RNF216: variants seen among roughly 807,000 people sequenced by gnomAD.
The protein encoded by RNF216 is ring finger protein 216.
A neutral mutation model predicts 110.8 loss-of-function variants in RNF216; 72 were observed. The ratio of observed to expected loss-of-function variants is 0.65; its 90% CI spans 0.54 to 0.79. RNF216 has a LOEUF of 0.79. RNF216 is among the 30% of genes least tolerant of loss of function. RNF216 has a pLI of 0.00. For synonymous variants in RNF216, 495 were observed against 407.5 expected (o/e 1.21, Z -2.59); for missense variants, 1,342 against 1,141.2 (o/e 1.18, Z -2.54).
At chr7:5,778,203 TC>T (rs1022304996) in intron 1 of RNF216, among the ~76,000 whole-genome samples, 5 of 152,080 alleles carry the variant, frequency 3.3e-5, no homozygotes, top group African/African-American at 1.2e-4. Flanking sequence ...TCATACCTTT[TC>T]CCCCCGCATT....
intron 1 of RNF216, among the ~76,000 whole-genome samples, chr7:5,779,302 C>G (rs1378111467): frequency 6.6e-6 from 1 of 152,110 alleles, no homozygotes; most frequent in East Asian, 1.9e-4. Context: ...TTAGCTGCTG[C>G]TGCTCTAATC....
chr7:5,671,476 G>A (rs759603641), intron 13 of RNF216, among the ~76,000 whole-genome samples: 15 of 152,126 alleles, frequency 9.9e-5, no homozygotes, highest in Non-Finnish European at 1.9e-4. Context: ...GAGGCTGATG[G>A]GGTGAGCGCT....
chr7:5,722,747 C>A (rs543270024), intron 8 of RNF216, among the ~76,000 whole-genome samples: 2 of 151,802 alleles, frequency 1.3e-5, no homozygotes, highest in East Asian at 2.0e-4. Context: ...TGGGGCCAGG[C>A]GCAGTGACTC....
chr7:5,773,254 T>C (rs1416021828), intron 1 of RNF216, among the ~76,000 whole-genome samples: 1 of 152,038 alleles, frequency 6.6e-6, no homozygotes, highest in Admixed American at 6.6e-5. Context: ...AGATTTTTTT[T>C]TTTTTTGAGA....
chr7:5,736,962 G>A (rs1405948313), intron 5 of RNF216, among the ~76,000 whole-genome samples: 2 of 148,288 alleles, frequency 1.3e-5, no homozygotes, highest in Non-Finnish European at 3.0e-5. Flanking sequence ...ACCTCTGCCC[G>A]GCTGCCCCTT....
chr7:5,714,321 C>T (rs1247905247), intron 11 of RNF216, among the ~76,000 whole-genome samples: 4 of 152,082 alleles, frequency 2.6e-5, no homozygotes, highest in South Asian at 4.1e-4. Flanking sequence ...TGCAATGGCA[C>T]GATCTCAACT....
chr7:5,759,548 A>T lies in RNF216; in HGVS notation c.67+1455T>A. 1.3e-5 allele frequency among the ~76,000 whole-genome samples: 2 copies of T among 151,968 alleles called. 1 individual carries two copies. The highest frequency in any genetic ancestry group is 3.9e-4 in the East Asian group (2 of 5,186). On this transcript the variant is annotated intron_variant, in intron 2 of 16. Coordinates refer to ENST00000389902, the MANE Select transcript of RNF216 (RefSeq NM_207111.4). ...ATACAAAACATACAATATATAACGCATGTGTTGACTGTTTATGTTATCAGT... is the reference window on the plus strand; with the variant it reads ...ATACAAAACATACAATATATAACGCTTGTGTTGACTGTTTATGTTATCAGT...
intron 9 of RNF216, among the ~76,000 whole-genome samples, 180 bp from the exon 10 acceptor site, chr7:5,716,946 G>A (rs543612225): frequency 1.3e-5 from 2 of 152,292 alleles, no homozygotes; most frequent in South Asian, 4.1e-4. Flanking sequence ...AGAAAATACA[G>A]GACAATATTT....
At chr7:5,767,413 A>C (rs1159688481) in intron 1 of RNF216, among the ~76,000 whole-genome samples, 3 of 152,134 alleles carry the variant, frequency 2.0e-5, no homozygotes, top group African/African-American at 7.2e-5. Flanking sequence ...GCTGAGACTT[A>C]AGGGACAAAA....
rs550272981 is a variant in RNF216, at chr7:5,689,897, C to T, written c.2061+21864G>A. Among the ~76,000 whole-genome samples the T allele has an allele frequency of 1.7e-4, 25 of 149,356 alleles. No homozygotes were observed. In the East Asian group the frequency reaches 4.5e-3, roughly 27 times the overall value. ...GGGGGGTTGCAGTGAGCCAAGATTG[C>T]GCCACTGCATTCCAGCCTGGGTGAC... On this transcript the variant is annotated intron_variant, in intron 13 of 16. Transcript: ENST00000389902.
chr7:5,715,414 T>C (rs1337795408), intron 10 of RNF216, among the ~76,000 whole-genome samples: 1 of 152,222 alleles, frequency 6.6e-6, no homozygotes, highest in African/African-American at 2.4e-5. Context: ...TTTTCGTGTT[T>C]TTTTTCTGGT....
intron 6 of RNF216, among the ~76,000 whole-genome samples, chr7:5,729,971 T>C (rs1793993131): frequency 6.6e-6 from 1 of 152,246 alleles, no homozygotes; most frequent in Non-Finnish European, 1.5e-5. Flanking sequence ...AAGTTAGTTC[T>C]CAACCATACT....
intron 10 of RNF216, 148 bp downstream of exon 10, chr7:5,716,568 T>C: frequency 1.7e-6 from 1 of 589,232 alleles, no homozygotes; most frequent in Non-Finnish European, 3.1e-6. Context: ...CTAGATCACG[T>C]ATCTGACTAT....
chr7:5,725,791 A>G (rs1165207618), intron 7 of RNF216, among the ~76,000 whole-genome samples: 1 of 147,958 alleles, frequency 6.8e-6, no homozygotes, highest in Non-Finnish European at 1.5e-5. Context: ...CGGAGGTCGC[A>G]GTGAGCCGAG....
intron 14 of RNF216, among the ~76,000 whole-genome samples, chr7:5,648,335 G>A (rs961584232): frequency 2.6e-5 from 4 of 151,644 alleles, no homozygotes. Flanking sequence ...TCGAACTCCC[G>A]ACCTCAGGTG....
At chr7:5,657,396 C>A (rs1395211506) in intron 13 of RNF216, among the ~76,000 whole-genome samples, 2 of 152,068 alleles carry the variant, frequency 1.3e-5, no homozygotes, top group African/African-American at 2.4e-5. Context: ...GGAGAAACCC[C>A]ATCTCTACTA....
intron 2 of RNF216, among the ~76,000 whole-genome samples, chr7:5,756,872 G>C (rs1296404569): frequency 6.6e-6 from 1 of 152,160 alleles, no homozygotes; most frequent in Non-Finnish European, 1.5e-5. Flanking sequence ...CTAGGCTCAA[G>C]TTATCCTCCC....
intron 3 of RNF216, among the ~76,000 whole-genome samples, chr7:5,742,586 CTTTTTTTTTTTT>C (rs59545890): frequency 1.5e-5 from 1 of 65,990 alleles, no homozygotes; most frequent in South Asian, 6.9e-4. Context: ...GGTGAAAAAT[CTTTTTTTTTTTT>C]TTTTTTTTTT....
intron 13 of RNF216, among the ~76,000 whole-genome samples, chr7:5,708,270 T>A (rs1792428383): frequency 6.6e-6 from 1 of 152,208 alleles, no homozygotes; most frequent in African/African-American, 2.4e-5. Flanking sequence ...GTTGTTCAAG[T>A]CAGCTGTTTC....
Sources: allele counts gnomAD v4.1 joint callset (sites outside exome capture counted in the v4.1 genomes callset), GRCh38; gene constraint gnomAD v4.1.1; transcripts MANE v1.5; gene names NCBI Gene and HGNC (gene_info 2026-07-23, HGNC 2026-07-21).